Variants in IL1RAPL1 observed in about 807,000 individuals in gnomAD.
IL1RAPL1 encodes interleukin 1 receptor accessory protein like 1, also known as interleukin-1 receptor accessory protein-like 1.
In IL1RAPL1, 3 loss-of-function variants were observed where a neutral mutation model predicts 48.4. That is an observed-to-expected ratio of 0.06 (90% CI 0.03 to 0.16). The LOEUF (loss-of-function observed/expected upper bound fraction) is 0.16, where lower values mean the gene tolerates loss of function less well. IL1RAPL1 is among the 10% of genes least tolerant of loss of function. The pLI, the probability that IL1RAPL1 is intolerant of heterozygous loss-of-function variation, is 1.00. For missense variants in IL1RAPL1, 349 were observed against 530.6 expected (o/e 0.66, Z 3.36); for synonymous variants, 185 against 187.7 (o/e 0.99, Z 0.12).
At chrX:29,839,270 A>G (rs1171323917) in intron 6 of IL1RAPL1, among the ~76,000 whole-genome samples, 2 of 112,305 alleles carry the variant, frequency 1.8e-5, no homozygotes, top group African/African-American at 3.2e-5. Context: ...AAATTAACTC[A>G]TATATGTAAA....
At chrX:28,662,344 ATG>A (rs1285703381) in intron 1 of IL1RAPL1, among the ~76,000 whole-genome samples, 1 of 111,513 alleles carries the variant, frequency 9.0e-6, no homozygotes, top group African/African-American at 3.3e-5. Context: ...TCAGGTAGCA[ATG>A]TTGAAGATGA....
At chrX:29,456,841 T>G (rs1187038443) in intron 5 of IL1RAPL1, among the ~76,000 whole-genome samples, 2 of 111,861 alleles carry the variant, frequency 1.8e-5, no homozygotes, top group African/African-American at 6.5e-5. Flanking sequence ...TATGGAAGAA[T>G]TTTGAGCCCA....
intron 2 of IL1RAPL1, among the ~76,000 whole-genome samples, chrX:29,228,080 G>A (rs1440303287): frequency 1.9e-5 from 2 of 107,167 alleles, no homozygotes; most frequent in African/African-American, 3.4e-5. Context: ...GAAGGCAAAT[G>A]CCTTTATTAC....
intron 5 of IL1RAPL1, among the ~76,000 whole-genome samples, chrX:29,516,392 G>A (rs1178310848): frequency 1.8e-5 from 2 of 111,484 alleles, no homozygotes; most frequent in African/African-American, 6.5e-5. Flanking sequence ...CAAAAATAGA[G>A]TAGTACATCA....
intron 2 of IL1RAPL1, among the ~76,000 whole-genome samples, chrX:28,985,732 T>G (rs1018732264): frequency 9.6e-6 from 1 of 104,433 alleles, no homozygotes; most frequent in African/African-American, 3.6e-5. Flanking sequence ...CGATCTCGGC[T>G]CACTACAAGC....
intron 2 of IL1RAPL1, among the ~76,000 whole-genome samples, chrX:28,977,783 C>A (rs967641285): frequency 3.6e-5 from 4 of 111,903 alleles, no homozygotes; most frequent in Non-Finnish European, 7.5e-5. Flanking sequence ...ATGGTGAAAC[C>A]CTGTCTCTAC....
chrX:29,523,421 A>C (rs956286545), intron 5 of IL1RAPL1, among the ~76,000 whole-genome samples: 1 of 111,931 alleles, frequency 8.9e-6, no homozygotes, highest in African/African-American at 3.2e-5. Flanking sequence ...CTTGAGCCTA[A>C]AGCATTTAAA....
chrX:29,557,842 A>T (rs1249669486), intron 5 of IL1RAPL1, among the ~76,000 whole-genome samples: 1 of 111,212 alleles, frequency 9.0e-6, no homozygotes, highest in Admixed American at 9.6e-5. Context: ...CACAAATGGC[A>T]TGATATCCTT....
At chrX:28,824,681 G>A (rs1936973480) in intron 2 of IL1RAPL1, among the ~76,000 whole-genome samples, 1 of 111,234 alleles carries the variant, frequency 9.0e-6, no homozygotes, top group Non-Finnish European at 1.9e-5. Flanking sequence ...TAGCATTACT[G>A]TGATGTTATT....
rs16988508 is a variant in IL1RAPL1, at chrX:29,353,559, A to T, written c.363-42699A>T. Among the ~76,000 whole-genome samples the T allele has an allele frequency of 3.8e-3, 420 of 111,626 alleles. 4 individuals are homozygous for T. The highest frequency in any genetic ancestry group is 0.013 in the African/African-American group (413 of 30,824). The stretch of plus-strand genomic sequence containing the variant: ...CTTGGTACATTTTCTCATCAAACTA[A>T]TACTTAGAAACAATAGGGAAACAGG... On this transcript the variant is annotated intron_variant, in intron 3 of 10. Transcript: ENST00000378993.
chrX:29,911,663 A>G (rs1001857972), intron 6 of IL1RAPL1, among the ~76,000 whole-genome samples: 7 of 112,328 alleles, frequency 6.2e-5, no homozygotes, highest in African/African-American at 2.3e-4. Flanking sequence ...TCAGTGATGT[A>G]AATGAGTTCT....
intron 3 of IL1RAPL1, among the ~76,000 whole-genome samples, chrX:29,326,216 C>T (rs1602172302): frequency 8.9e-6 from 1 of 112,140 alleles, no homozygotes; most frequent in Non-Finnish European, 1.9e-5. Context: ...TGACATTTGT[C>T]TTTGAACAAA....
At chrX:28,798,762 A>T (rs1174695644) in intron 2 of IL1RAPL1, among the ~76,000 whole-genome samples, 1 of 111,735 alleles carries the variant, frequency 8.9e-6, no homozygotes, top group Admixed American at 9.5e-5. Flanking sequence ...ACTTTTGCTG[A>T]AGGGCCTGTG....
intron 6 of IL1RAPL1, among the ~76,000 whole-genome samples, chrX:29,685,314 C>G (rs1300811230): frequency 9.1e-6 from 1 of 110,485 alleles, no homozygotes; most frequent in South Asian, 3.9e-4. Context: ...AGCAGCCTGG[C>G]CAACATGGTG....
At chrX:29,130,092 C>T (rs1928988719) in intron 2 of IL1RAPL1, among the ~76,000 whole-genome samples, 2 of 111,507 alleles carry the variant, frequency 1.8e-5, no homozygotes, top group African/African-American at 6.5e-5. Flanking sequence ...ACCCCTAGCT[C>T]TGGTATTCTT....
intron 6 of IL1RAPL1, among the ~76,000 whole-genome samples, chrX:29,871,492 CTCT>C (rs776659644): frequency 7.1e-5 from 8 of 112,139 alleles, no homozygotes; most frequent in Non-Finnish European, 1.5e-4. Flanking sequence ...GACTGTGATA[CTCT>C]TCATCTTTAA....
At chrX:29,256,488 A>G (rs1184612254) in intron 2 of IL1RAPL1, among the ~76,000 whole-genome samples, 1 of 111,752 alleles carries the variant, frequency 8.9e-6, no homozygotes, top group Non-Finnish European at 1.9e-5. Flanking sequence ...AGGACTCAAC[A>G]TAAGATAGGA....
chrX:29,093,439 A>G (rs1928133548), intron 2 of IL1RAPL1, among the ~76,000 whole-genome samples: 1 of 111,474 alleles, frequency 9.0e-6, no homozygotes, highest in Admixed American at 9.6e-5. Context: ...TCCATGATCC[A>G]GTCACCTCCC....
intron 6 of IL1RAPL1, among the ~76,000 whole-genome samples, chrX:29,794,056 T>C (rs1324894491): frequency 2.7e-5 from 3 of 111,911 alleles, no homozygotes; most frequent in African/African-American, 9.7e-5. Context: ...ACAAGTATAA[T>C]TGTAAGTTTA....
Sources: gnomAD v4.1 joint callset for allele counts (sites outside exome capture counted in the v4.1 genomes callset) on GRCh38, gnomAD v4.1.1 for gene constraint, MANE v1.5 for transcripts, NCBI Gene and HGNC (gene_info 2026-07-23, HGNC 2026-07-21) for gene names.